Variants in ZBED6 observed in about 807,000 individuals in gnomAD.
ZBED6 encodes the protein zinc finger BED domain-containing protein 6.
A neutral mutation model predicts 58.4 loss-of-function variants in ZBED6; 40 were observed. That is an observed-to-expected ratio of 0.68 (90% CI 0.53 to 0.89). The LOEUF (loss-of-function observed/expected upper bound fraction) is 0.89, where lower values mean the gene tolerates loss of function less well. Among genes scored for constraint, ZBED6 ranks in the 40% least tolerant of loss-of-function variants. The probability of loss-of-function intolerance (pLI) is 0.00; values close to 1 mark genes in which losing one functional copy is unlikely to be tolerated. For synonymous variants in ZBED6, 439 were observed against 350.6 expected (o/e 1.25, Z -2.82); for missense variants, 1,057 against 1,003.9 (o/e 1.05, Z -0.71).
At chr1:203,847,262 GAGA>G in exon 12 of ZBED6, 1 of 1,613,836 alleles carries the variant, frequency 6.2e-7, no homozygotes, top group South Asian at 1.1e-5. Flanking sequence ...CAGAAACGTG[GAGA>G]ATTGCAAACT....
At chr1:203,847,259 G>C in exon 12 of ZBED6, 1 of 1,613,858 alleles carries the variant, frequency 6.2e-7, no homozygotes, top group East Asian at 2.2e-5. Flanking sequence ...AGTCAGAAAC[G>C]TGGAGAATTG....
At chr1:203,851,023 C>G in intron 15 of ZBED6, 34 bp from the exon 16 acceptor site, 2 of 1,609,172 alleles carry the variant, frequency 1.2e-6, no homozygotes, top group Non-Finnish European at 1.7e-6. Context: ...AAAAGCCTGA[C>G]TCTCACTGAA....
chr1:203,843,717 G>A (rs908185151), intron 11 of ZBED6, among the ~76,000 whole-genome samples: 3 of 152,190 alleles, frequency 2.0e-5, no homozygotes, highest in African/African-American at 7.2e-5. Flanking sequence ...GTTTGCCTAT[G>A]CCTTTTTAAA....
chr1:203,805,539 T>C (rs1208839566), intron 1 of ZBED6: 1 of 555,758 alleles, frequency 1.8e-6, no homozygotes, highest in Admixed American at 2.1e-5. Context: ...GACAGAAACG[T>C]ATCTGTTACG....
intron 13 of ZBED6, among the ~76,000 whole-genome samples, chr1:203,849,012 G>A (rs1031067432): frequency 6.6e-6 from 1 of 152,124 alleles, no homozygotes. Flanking sequence ...AGCCTCCCAT[G>A]TAGCTGGGAT....
chr1:203,846,151 T>C (rs114462159), intron 11 of ZBED6, among the ~76,000 whole-genome samples: 2,191 of 121,392 alleles, frequency 0.018, 30 homozygotes, highest in Non-Finnish European at 0.029. Context: ...TGAAAAGATA[T>C]AATTTTTTTG....
At chr1:203,805,615 AATGT>A in intron 1 of ZBED6, 3 of 668,270 alleles carry the variant, frequency 4.5e-6, no homozygotes, top group Non-Finnish European at 8.5e-6. Context: ...CTTAAATGCA[AATGT>A]ATGAAGCAGG....
rs559651406 is a variant in ZBED6 at position 203,821,026 on chromosome 1, C to T, written c.*2873+2337C>T. The stretch of plus-strand genomic sequence containing the variant: ...TGCAAACTTGTGGTGATACGTTTGG[C>T]TCTGTATCCTCACCTGAATCTCACC... On this transcript the variant is annotated intron_variant, in intron 3 of 16. Coordinates refer to ENST00000550078, the Ensembl canonical transcript of ZBED6. Among the ~76,000 whole-genome samples the T allele has an allele frequency of 2.0e-5, 3 of 152,262 alleles. No homozygotes were observed. In the East Asian group the frequency reaches 5.8e-4, roughly 29 times the overall value.
At chr1:203,822,279 C>T (rs1679043182) in intron 3 of ZBED6, among the ~76,000 whole-genome samples, 1 of 152,046 alleles carries the variant, frequency 6.6e-6, no homozygotes, top group African/African-American at 2.4e-5. Context: ...TTTCCTTCCT[C>T]TCAGGCTCTG....
chr1:203,800,044 G>A (rs1347687694), exon 1 of ZBED6: 2 of 1,536,110 alleles, frequency 1.3e-6, no homozygotes, highest in Non-Finnish European at 1.7e-6. Context: ...TCCAGTTCAG[G>A]TTCTGTTGAT....
At chr1:203,833,070 C>T (rs1682925610) in intron 8 of ZBED6, among the ~76,000 whole-genome samples, 3 of 151,568 alleles carry the variant, frequency 2.0e-5, no homozygotes, top group Admixed American at 1.3e-4. Context: ...CCTGTCTCTA[C>T]TAAAAATACA....
intron 9 of ZBED6, among the ~76,000 whole-genome samples, chr1:203,835,143 C>T (rs1017198805): frequency 6.6e-6 from 1 of 152,186 alleles, no homozygotes; most frequent in African/African-American, 2.4e-5. Context: ...ATTGTTGAAT[C>T]AGTTATGCAC....
exon 1 of ZBED6, chr1:203,798,488 C>G (rs1669402631): frequency 6.5e-7 from 1 of 1,536,126 alleles, no homozygotes; most frequent in South Asian, 1.2e-5. Flanking sequence ...CTGTTGCCAA[C>G]AAAGACAGTG....
intron 1 of ZBED6, among the ~76,000 whole-genome samples, chr1:203,815,219 T>TTC (rs575430164): frequency 2.2e-4 from 28 of 129,618 alleles, no homozygotes; most frequent in South Asian, 5.2e-4. Flanking sequence ...TTCTTTTCTT[T>TTC]TTTTTTTTTT....
At chr1:203,815,419 ATGT>A (rs1676053991) in intron 1 of ZBED6, among the ~76,000 whole-genome samples, 1 of 127,754 alleles carries the variant, frequency 7.8e-6, no homozygotes, top group African/African-American at 3.0e-5. Flanking sequence ...GGGTTTTGCC[ATGT>A]TGTCCAGGCT....
rs767681882 is a variant in ZBED6 at position 203,805,867 on chromosome 1, A to G, written c.*2554+2851A>G. ...TTCATTTGCATCTTCCATCATGTCC[A>G]CTAGCTGGTCTTGTAAATTCTCAAT... On this transcript the variant is annotated intron_variant, in intron 1 of 16. Coordinates refer to ENST00000550078, the Ensembl canonical transcript of ZBED6. 11 of 860,566 alleles carry G rather than the reference A, an allele frequency of 1.3e-5. No individual in the cohort carries two copies. The Admixed American group carries it at 1.8e-4, about 14-fold the overall frequency. 53.3% of individuals were successfully genotyped at this position (860,566 alleles called of 1,614,324 possible).
chr1:203,852,489 C>G (rs1216266782), exon 17 of ZBED6: 3 of 1,433,878 alleles, frequency 2.1e-6, no homozygotes, highest in African/African-American at 1.4e-5. Flanking sequence ...ATGATCATTT[C>G]TTTAGTCTAG....
chr1:203,852,203 C>T, exon 17 of ZBED6: 1 of 1,613,640 alleles, frequency 6.2e-7, no homozygotes, highest in Non-Finnish European at 8.5e-7. Context: ...TCTGGCCCTT[C>T]CTCATCCCAA....
rs1174668003 is a variant in ZBED6, at chr1:203,798,588, C to T, written c.1066C>T (p.Gln356Ter). The change falls in exon 1 of 17, where the codon CAA (glutamine) becomes TAA (stop). Residue 356 changes from glutamine to a stop codon, truncating the protein, a stop_gained. Coordinates refer to ENST00000550078, the Ensembl canonical transcript of ZBED6. LOFTEE classifies it high-confidence loss of function. ...GCATGGAGAAAAGTCTACAGGCAGC[C>T]AAGATTTAACAGCTGAGGACCTTAG... 1 of 1,536,088 alleles carries T rather than the reference C, an allele frequency of 6.5e-7. No individual in the cohort carries two copies. Among genetic ancestry groups the T allele is most frequent in the Non-Finnish European group, 8.7e-7 (1 of 1,146,906 alleles).
Sources: allele counts gnomAD v4.1 joint callset (sites outside exome capture counted in the v4.1 genomes callset), GRCh38; gene constraint gnomAD v4.1.1; transcripts MANE v1.5; gene names NCBI Gene and HGNC (gene_info 2026-07-23, HGNC 2026-07-21).